NFATC1: variants seen among roughly 807,000 people sequenced by gnomAD.
The protein encoded by NFATC1 is nuclear factor of activated T-cells, cytoplasmic 1.
In NFATC1, 22 loss-of-function variants were observed where a neutral mutation model predicts 76.0. The observed-to-expected ratio is 0.29, with a 90% CI of 0.21 to 0.41. NFATC1 has a LOEUF of 0.41. Among genes scored for constraint, NFATC1 ranks in the 10% least tolerant of loss-of-function variants. The pLI is 1.00. For synonymous variants in NFATC1, 704 were observed against 613.1 expected, an observed-to-expected ratio of 1.15 and a Z score of -2.19; for missense variants, 1,357 against 1,337.7, an observed-to-expected ratio of 1.01 and a Z score of -0.23.
intron 8 of NFATC1, 52 bp from the exon 9 acceptor site, chr18:79,486,196 T>C: frequency 6.5e-7 from 1 of 1,531,602 alleles, no homozygotes; most frequent in African/African-American, 1.4e-5. Context: ...GCCTGCCTGA[T>C]CACACTCATT....
intron 3 of NFATC1, among the ~76,000 whole-genome samples, chr18:79,439,879 C>A (rs1266604846): frequency 6.6e-6 from 1 of 152,190 alleles, no homozygotes; most frequent in South Asian, 2.1e-4. Context: ...GTCAGGAGAC[C>A]AACGTGGAAT....
chr18:79,430,122 G>A (rs896770970), intron 2 of NFATC1, among the ~76,000 whole-genome samples: 19 of 152,306 alleles, frequency 1.2e-4, no homozygotes, highest in African/African-American at 2.4e-4. Flanking sequence ...GCCTAAGGAC[G>A]CGTTTTTCAG....
intron 6 of NFATC1, among the ~76,000 whole-genome samples, chr18:79,459,421 G>A (rs950749499): frequency 3.3e-5 from 5 of 152,156 alleles, no homozygotes; most frequent in African/African-American, 9.7e-5. Context: ...CTTGCTTCTC[G>A]GGACATAAAG....
chr18:79,523,551 A>T (rs552287343), intron 9 of NFATC1, among the ~76,000 whole-genome samples: 62 of 152,400 alleles, frequency 4.1e-4, no homozygotes, highest in African/African-American at 1.4e-3. Flanking sequence ...GCAAGGGCAC[A>T]GATAAGATTC....
chr18:79,425,185 CTCTG>C (rs1161609884), intron 2 of NFATC1, among the ~76,000 whole-genome samples: 2 of 151,638 alleles, frequency 1.3e-5, no homozygotes, highest in African/African-American at 4.9e-5. Context: ...GTCTCTCTGT[CTCTG>C]TCTCTCTGTT....
chr18:79,526,646 A>G (rs933403006), intron 9 of NFATC1, among the ~76,000 whole-genome samples: 10 of 152,210 alleles, frequency 6.6e-5, no homozygotes, highest in Non-Finnish European at 5.9e-5. Context: ...ATCAGTTCCC[A>G]TGACACAATT....
intron 1 of NFATC1, among the ~76,000 whole-genome samples, chr18:79,401,020 C>G (rs1460564837): frequency 1.6e-5 from 2 of 128,014 alleles, no homozygotes; most frequent in African/African-American, 3.0e-5. Context: ...CAAGTTTACC[C>G]GGAGCTACCA....
chr18:79,407,402 C>T (rs1161447439), intron 1 of NFATC1, among the ~76,000 whole-genome samples: 1 of 152,208 alleles, frequency 6.6e-6, no homozygotes, highest in African/African-American at 2.4e-5. Flanking sequence ...AGCTCCACCC[C>T]AGTCCCTGCC....
Position 79,402,081 on chromosome 18 carries a change from G to A in NFATC1, c.127+5730G>A, listed in dbSNP as rs999536972. ...GTGTCTGGCTTGGCACGTGGTCAGC[G>A]CACCCCCAGTGACAAGGGCCACTTC... On this transcript the variant is annotated intron_variant, in intron 1 of 9. Transcript: ENST00000427363. Among the ~76,000 whole-genome samples the A allele has an allele frequency of 7.2e-5, 11 of 152,326 alleles. No homozygotes were observed. In the South Asian group the frequency reaches 1.5e-3, roughly 20 times the overall value.
At chr18:79,480,611 C>A (rs535244349) in intron 8 of NFATC1, among the ~76,000 whole-genome samples, 67 of 152,244 alleles carry the variant, frequency 4.4e-4, no homozygotes, top group African/African-American at 1.6e-3. Context: ...CCGGTACCAC[C>A]GCGGTTTTAA....
rs895288334 is a variant in NFATC1, at chr18:79,462,363, T to C, written c.1959+997T>C. On this transcript the variant is annotated intron_variant, in intron 7 of 9. Coordinates refer to ENST00000427363, the MANE Select transcript of NFATC1 (RefSeq NM_001278669.2). ...TTGTTTTTGTTTTTTTGAAACAGAG[T>C]TTCGTTCTTGTTGCCCAGGCTGGAG... 3.3e-5 allele frequency among the ~76,000 whole-genome samples: 5 copies of C among 152,090 alleles called. 1 individual carries two copies. The highest frequency in any genetic ancestry group is 7.2e-5 in the African/African-American group (3 of 41,400).
intron 8 of NFATC1, chr18:79,467,928 C>A (rs983592543): frequency 9.2e-7 from 1 of 1,088,854 alleles, no homozygotes; most frequent in Admixed American, 5.0e-5. Flanking sequence ...CCTAAAGCTG[C>A]TTACGGTGAA....
At chr18:79,414,195 C>G (rs540998137) in intron 2 of NFATC1, among the ~76,000 whole-genome samples, 1 of 152,280 alleles carries the variant, frequency 6.6e-6, no homozygotes, top group East Asian at 1.9e-4. Flanking sequence ...AGGAATGCCT[C>G]TCCGTCGGTC....
chr18:79,451,824 C>G lies in NFATC1; in HGVS notation c.1903+8C>G, dbSNP rs764047592. The G allele has an allele frequency of 1.9e-6, 3 of 1,601,446 alleles. No homozygotes were observed. The highest frequency in any genetic ancestry group is 2.6e-6 in the Non-Finnish European group (3 of 1,173,040). On this transcript the variant is annotated splice_region_variant and intron_variant, in intron 6 of 9. Transcript: ENST00000427363. ...TCGTGGAGAAAGCCCCAGGTATGCT[C>G]TTCACCAGGGGCCATCTGCGGCCTG...
chr18:79,443,738 GGTCCTGTCCCCCTAGCCCTGGGCGGGT>G (rs1432670308), intron 3 of NFATC1, among the ~76,000 whole-genome samples: 1 of 152,212 alleles, frequency 6.6e-6, no homozygotes, highest in Non-Finnish European at 1.5e-5. Context: ...GATCGATCCT[GGTCCTGTCCCCCTAGCCCTGGGCGGGT>G]GTCCCGGCAC....
intron 6 of NFATC1, 139 bp from the exon 7 acceptor site, chr18:79,461,172 C>A: frequency 1.1e-6 from 1 of 904,740 alleles, no homozygotes; most frequent in Non-Finnish European, 1.7e-6. Context: ...CGACAAAGCC[C>A]TGGGATGGGC....
intron 8 of NFATC1, among the ~76,000 whole-genome samples, chr18:79,473,941 T>A (rs1188960847): frequency 7.2e-6 from 1 of 138,138 alleles, no homozygotes; most frequent in African/African-American, 2.8e-5. Context: ...CTGTCGACAT[T>A]GTAAACCTGA....
chr18:79,493,650 C>T (rs446991), intron 9 of NFATC1: 112,785 of 151,794 alleles, frequency 0.74, 42,338 homozygotes, highest in Non-Finnish European at 0.79. Context: ...CGAGAAGCTC[C>T]CTTCGTGGAA....
Position 79,427,434 on chromosome 18 carries a change from G to A in NFATC1, c.1227-6145G>A, listed in dbSNP as rs1433931667. ...GCTGGCCTCTGTGCGGTGGGTGGGG[G>A]GGAGCTGGACGGCTGGCCTCTGTGC... On this transcript the variant is annotated intron_variant, in intron 2 of 9. Transcript: ENST00000427363. Among the ~76,000 whole-genome samples the A allele has an allele frequency of 4.4e-4, 56 of 126,134 alleles. 1 individual carries two copies. Among genetic ancestry groups the A allele is most frequent in the African/African-American group, 1.9e-3 (55 of 28,472 alleles). 82.7% of individuals were successfully genotyped at this position (126,134 alleles called of 152,430 possible).
Sources: gnomAD v4.1 joint callset for allele counts (sites outside exome capture counted in the v4.1 genomes callset) on GRCh38, gnomAD v4.1.1 for gene constraint, MANE v1.5 for transcripts, NCBI Gene and HGNC (gene_info 2026-07-23, HGNC 2026-07-21) for gene names.